The following GAP43 variants were observed in gnomAD, a reference collection of about 807,000 sequenced individuals.
GAP43 encodes growth associated protein 43, also known as neuromodulin.
In GAP43, 6 loss-of-function variants were observed where a neutral mutation model predicts 18.6. The observed-to-expected ratio is 0.32, with a 90% confidence interval of 0.18 to 0.64. The LOEUF (loss-of-function observed/expected upper bound fraction) is 0.64, where lower values mean the gene tolerates loss of function less well. Among genes scored for constraint, GAP43 ranks in the 30% least tolerant of loss-of-function variants. GAP43 has a pLI of 0.78. For missense variants in GAP43, 292 were observed against 295.5 expected (o/e 0.99, Z 0.09); for synonymous variants, 115 against 111.4 (o/e 1.03, Z -0.20).
intron 2 of GAP43, among the ~76,000 whole-genome samples, chr3:115,712,951 G>A (rs1248696454): frequency 1.3e-5 from 2 of 152,180 alleles, no homozygotes; most frequent in Non-Finnish European, 2.9e-5. Context: ...GGGCAGAGAT[G>A]TTACTTGCAT....
At chr3:115,628,469 C>T (rs1708219890) in intron 1 of GAP43, among the ~76,000 whole-genome samples, 1 of 152,072 alleles carries the variant, frequency 6.6e-6, no homozygotes, top group South Asian at 2.1e-4. Flanking sequence ...TCTTCACTCC[C>T]CATTCACTAT....
intron 1 of GAP43, among the ~76,000 whole-genome samples, chr3:115,628,285 A>G (rs912799215): frequency 1.3e-5 from 2 of 151,308 alleles, no homozygotes; most frequent in African/African-American, 4.9e-5. Flanking sequence ...CTTTCTTGAG[A>G]TTTCATCTTC....
At chr3:115,647,763 A>AAAC (rs1553720754) in intron 1 of GAP43, among the ~76,000 whole-genome samples, 1 of 150,788 alleles carries the variant, frequency 6.6e-6, no homozygotes, top group Admixed American at 6.6e-5. Flanking sequence ...AAAAACAAAA[A>AAAC]AAAAAAACGG....
chr3:115,656,502 A>T (rs1256362147), intron 1 of GAP43, among the ~76,000 whole-genome samples: 1 of 152,184 alleles, frequency 6.6e-6, no homozygotes, highest in Non-Finnish European at 1.5e-5. Flanking sequence ...TCTTTGGTGT[A>T]AATATGTATA....
At chr3:115,681,133 T>C (rs1453028517) in intron 2 of GAP43, among the ~76,000 whole-genome samples, 1 of 152,254 alleles carries the variant, frequency 6.6e-6, no homozygotes, top group Non-Finnish European at 1.5e-5. Context: ...TCTTAAATAC[T>C]GTTGATTATT....
intron 2 of GAP43, among the ~76,000 whole-genome samples, chr3:115,699,115 G>A (rs776839645): frequency 4.6e-5 from 7 of 152,166 alleles, no homozygotes; most frequent in Non-Finnish European, 8.8e-5. Context: ...GGTTTACTGA[G>A]GAAGTACTTT....
At chr3:115,674,057 C>T (rs1708848420) in intron 1 of GAP43, among the ~76,000 whole-genome samples, 4 of 152,166 alleles carry the variant, frequency 2.6e-5, no homozygotes, top group Admixed American at 2.6e-4. Context: ...TTAGCAGGAG[C>T]TGGGTCACTG....
chr3:115,636,728 T>A (rs1053427741), intron 1 of GAP43, among the ~76,000 whole-genome samples: 5 of 152,152 alleles, frequency 3.3e-5, no homozygotes, highest in Non-Finnish European at 7.3e-5. Flanking sequence ...TACTTATGGT[T>A]GTGTTTCAAG....
At chr3:115,660,752 T>C (rs1042516336) in intron 1 of GAP43, among the ~76,000 whole-genome samples, 1 of 152,226 alleles carries the variant, frequency 6.6e-6, no homozygotes, top group African/African-American at 2.4e-5. Flanking sequence ...TCAGTGGGCC[T>C]GGGCGGGGTG....
chr3:115,640,693 C>G (rs1398982300), intron 1 of GAP43, among the ~76,000 whole-genome samples: 1 of 152,046 alleles, frequency 6.6e-6, no homozygotes, highest in Admixed American at 6.6e-5. Flanking sequence ...AACCAAATTT[C>G]TTCCAAATTC....
chr3:115,630,070 T>G (rs1001663498), intron 1 of GAP43, among the ~76,000 whole-genome samples: 3 of 152,090 alleles, frequency 2.0e-5, no homozygotes, highest in African/African-American at 7.2e-5. Flanking sequence ...AGCCCCACCC[T>G]CTCTGGTTAC....
chr3:115,714,375 G>A (rs1331613153), intron 2 of GAP43, among the ~76,000 whole-genome samples: 1 of 152,160 alleles, frequency 6.6e-6, no homozygotes, highest in Admixed American at 6.5e-5. Flanking sequence ...GAAGAGCAAT[G>A]TTTTTGTCAA....
At chr3:115,667,981 G>A (rs189666769) in intron 1 of GAP43, among the ~76,000 whole-genome samples, 243 of 152,302 alleles carry the variant, frequency 1.6e-3, no homozygotes, top group African/African-American at 5.6e-3. Context: ...CTTTGAGCAT[G>A]TCATTTCTTG....
chr3:115,679,629 C>G (rs974525666), intron 2 of GAP43, among the ~76,000 whole-genome samples: 1 of 152,140 alleles, frequency 6.6e-6, no homozygotes, highest in African/African-American at 2.4e-5. Context: ...TCCTTGGGGT[C>G]TCCTGCTGAG....
At chr3:115,714,756 G>T (rs1278971528) in intron 2 of GAP43, among the ~76,000 whole-genome samples, 2 of 151,598 alleles carry the variant, frequency 1.3e-5, no homozygotes, top group African/African-American at 4.8e-5. Flanking sequence ...CTGGATTTGG[G>T]GGATTGATTT....
chr3:115,686,341 A>G (rs1709032297), intron 2 of GAP43, among the ~76,000 whole-genome samples: 1 of 152,244 alleles, frequency 6.6e-6, no homozygotes, highest in Non-Finnish European at 1.5e-5. Context: ...TACTTTCAAC[A>G]TTCGCAGTCA....
At chr3:115,676,711 A>C in intron 2 of GAP43, 101 bp downstream of exon 2, 1 of 1,230,954 alleles carries the variant, frequency 8.1e-7, no homozygotes, top group Non-Finnish European at 1.1e-6. Context: ...GAAAAAGTCT[A>C]GAAGATGTTT....
chr3:115,656,441 C>T (rs1172587885), intron 1 of GAP43, among the ~76,000 whole-genome samples: 3 of 152,058 alleles, frequency 2.0e-5, no homozygotes, highest in Non-Finnish European at 2.9e-5. Flanking sequence ...ACTAGGCTCC[C>T]TCGACCAGCA....
intron 2 of GAP43, among the ~76,000 whole-genome samples, chr3:115,711,926 A>ATATT (rs1709444304): frequency 6.6e-6 from 1 of 152,238 alleles, no homozygotes; most frequent in South Asian, 2.1e-4. Context: ...TTAACTTAAT[A>ATATT]TATTTACTTC....
Sources: allele counts gnomAD v4.1 joint callset (sites outside exome capture counted in the v4.1 genomes callset), GRCh38; gene constraint gnomAD v4.1.1; transcripts MANE v1.5; gene names NCBI Gene and HGNC (gene_info 2026-07-23, HGNC 2026-07-21).